SDHA: variants seen among roughly 807,000 people sequenced by gnomAD.
The protein encoded by SDHA is succinate dehydrogenase [ubiquinone] flavoprotein subunit, mitochondrial.
In SDHA, 48 loss-of-function variants were observed where a neutral mutation model predicts 78.4. That is an observed-to-expected ratio of 0.61 (90% CI 0.49 to 0.78). SDHA has a LOEUF of 0.78. Among genes scored for constraint, SDHA ranks in the 30% least tolerant of loss-of-function variants. The pLI, the probability that SDHA is intolerant of heterozygous loss-of-function variation, is 0.00. For synonymous variants in SDHA, 326 were observed against 353.9 expected (o/e 0.92, Z 0.88); for missense variants, 680 against 892.7 (o/e 0.76, Z 3.04).
chr5:235,726 C>CTCT (rs1735732869), intron 9 of SDHA: 3 of 356,814 alleles, frequency 8.4e-6, no homozygotes, highest in Admixed American at 8.0e-5. Context: ...GAAGCTGTTG[C>CTCT]TCTCCCTGCG....
chr5:257,221 G>A (rs1423211484), downstream of SDHA, among the ~76,000 whole-genome samples: 2 of 152,118 alleles, frequency 1.3e-5, no homozygotes, highest in African/African-American at 4.8e-5. Flanking sequence ...TCAAATCAGG[G>A]GTCCCCAATC....
chr5:221,739 T>C (rs898589576), intron 1 of SDHA, among the ~76,000 whole-genome samples: 3 of 152,216 alleles, frequency 2.0e-5, no homozygotes, highest in African/African-American at 7.2e-5. Context: ...ATCTAAAGAC[T>C]GAAATTGGCT....
chr5:244,635 A>G (rs550600025), intron 11 of SDHA, among the ~76,000 whole-genome samples: 78 of 152,334 alleles, frequency 5.1e-4, no homozygotes, highest in African/African-American at 1.8e-3. Context: ...GGACATTTCA[A>G]TCATTTCTCT....
chr5:258,845 A>G (rs566364890), downstream of SDHA, among the ~76,000 whole-genome samples: 59 of 69,056 alleles, frequency 8.5e-4, 3 homozygotes, highest in Non-Finnish European at 1.1e-3. Flanking sequence ...CCAGAGCATT[A>G]CTGTGAGCTC....
Position 236,493 on chromosome 5 carries a change from C to T in SDHA, c.1326C>T (p.Ala442=), listed in dbSNP as rs2126589832. 6.2e-7 allele frequency: 1 copy of T among 1,613,968 alleles called. No individual in the cohort carries two copies. The highest frequency in any genetic ancestry group is 8.5e-7 in the Non-Finnish European group (1 of 1,179,800). Residue 442 remains alanine, a synonymous_variant, in exon 10 of 15, where the codon GCC becomes GCT. Transcript: ENST00000264932. ...VPGLYACGEA[A]CASVHGANRL... ...GCCTGTACGCCTGTGGGGAGGCCGC[C>T]TGTGCCTCGGTACATGGTGCCAACC...
intron 11 of SDHA, among the ~76,000 whole-genome samples, chr5:241,449 G>A (rs1360459266): frequency 1.3e-5 from 2 of 152,222 alleles, no homozygotes; most frequent in Non-Finnish European, 2.9e-5. Flanking sequence ...GGGAGAGTGG[G>A]CGGCAGGTGG....
chr5:251,461 A>G lies in SDHA; in HGVS notation c.1787A>G (p.Asp596Gly), dbSNP rs1126557. 20 of 1,613,830 alleles carry G rather than the reference A, an allele frequency of 1.2e-5. No homozygotes were observed. The highest frequency in any genetic ancestry group is 1.2e-4 in the Admixed American group (7 of 59,996). Residue 596 changes from aspartate (D) to glycine (G), a missense_variant, in exon 13 of 15, where the codon GAC becomes GGC. Transcript: ENST00000264932. ...TCACGGGGCGCGCATGCCAGGGAAGACTACAAGGTGGGCCTTCTCACCACG... is the reference window on the plus strand; with the variant it reads ...TCACGGGGCGCGCATGCCAGGGAAGGCTACAAGGTGGGCCTTCTCACCACG... ...KESRGAHARE[D>G]YKVRIDEYDY... is the part of the protein sequence containing the mutation.
rs751383247 is a variant in SDHA at position 218,361 on chromosome 5, G to C, written c.6G>C (p.Ser2=). 6.8e-7 allele frequency: 1 copy of C among 1,461,142 alleles called. No homozygotes were observed. The highest frequency in any genetic ancestry group is 2.8e-5 in the East Asian group (1 of 36,234). The allele number at this position is 1,461,142 out of a possible 1,614,324, so 90.5% of individuals were successfully genotyped here. A position where few individuals can be genotyped will look rare whatever the true frequency, so the allele number is the denominator to read the frequency against. M[S]GVRGLSRLLS... ...GCGCGGCGGCAACAGCAGACATGTC[G>C]GGGGTCCGGGGCCTGTCGCGGCTGC... The change falls in exon 1 of 15, where the codon TCG becomes TCC. Residue 2 remains serine, a synonymous_variant. Transcript: ENST00000264932.
intron 6 of SDHA, among the ~76,000 whole-genome samples, chr5:229,003 T>A (rs1390895913): frequency 1.3e-5 from 2 of 152,114 alleles, no homozygotes; most frequent in African/African-American, 4.8e-5. Flanking sequence ...GGCCAATTGA[T>A]GTATGAAAAA....
At chr5:248,686 A>C (rs1417461283) in intron 11 of SDHA, among the ~76,000 whole-genome samples, 1 of 152,216 alleles carries the variant, frequency 6.6e-6, no homozygotes, top group African/African-American at 2.4e-5. Flanking sequence ...ATGTTTGGGA[A>C]GATTGCATTG....
At chr5:227,219 AG>A (rs931149978) in intron 5 of SDHA, among the ~76,000 whole-genome samples, 3 of 152,156 alleles carry the variant, frequency 2.0e-5, no homozygotes, top group Admixed American at 2.0e-4. Flanking sequence ...CATGTTGCCC[AG>A]GCTGGTCCCG....
chr5:227,854 G>A (rs566637440), intron 5 of SDHA: 24 of 378,218 alleles, frequency 6.3e-5, no homozygotes, highest in East Asian at 4.4e-4. Flanking sequence ...CATGGTCTGC[G>A]GACCTCACTC....
At position 236,499 on chromosome 5, in the gene SDHA, C is replaced by G. The variant is rs1060505011; in HGVS notation, c.1332C>G (p.Ala444=). ...ACGCCTGTGGGGAGGCCGCCTGTGCCTCGGTACATGGTGCCAACCGCCTCG... is the reference window on the plus strand; with the variant it reads ...ACGCCTGTGGGGAGGCCGCCTGTGCGTCGGTACATGGTGCCAACCGCCTCG... ...GLYACGEAAC[A]SVHGANRLGA... is the part of the protein sequence containing the mutation. Residue 444 remains alanine (A), a synonymous_variant, in exon 10 of 15, where the codon GCC becomes GCG. Transcript: ENST00000264932. 1 of 1,614,018 alleles carries G rather than the reference C, an allele frequency of 6.2e-7. No individual in the cohort carries two copies. Among genetic ancestry groups the G allele is most frequent in the Admixed American group, 1.7e-5 (1 of 60,024 alleles).
intron 7 of SDHA, 24 bp from the exon 8 acceptor site, chr5:233,453 A>G (rs1432769631): frequency 6.2e-7 from 1 of 1,612,460 alleles, no homozygotes; most frequent in Non-Finnish European, 8.5e-7. Context: ...TTGTTAGGTA[A>G]TAAATATGTG....
In SDHA at chr5:218,378, C is replaced by A. The variant is rs878854631; in HGVS notation, c.23C>A (p.Ser8Ter). Residue 8 changes from serine to a stop codon, truncating the protein, a stop_gained, in exon 1 of 15, where the codon TCG becomes TAG. Coordinates refer to ENST00000264932, the MANE Select transcript of SDHA (RefSeq NM_004168.4). LOFTEE classifies it high-confidence loss of function. The stretch of plus-strand genomic sequence containing the variant: ...GACATGTCGGGGGTCCGGGGCCTGT[C>A]GCGGCTGCTGAGCGCTCGGCGCCTG... MSGVRGL[S>*]RLLSARRLAL... The A allele has an allele frequency of 6.9e-7, 1 of 1,455,494 alleles. No individual in the cohort carries two copies. The highest frequency in any genetic ancestry group is 1.4e-5 in the South Asian group (1 of 69,868). The allele number at this position is 1,455,494 out of a possible 1,614,324, so 90.2% of individuals were successfully genotyped here. A position where few individuals can be genotyped will look rare whatever the true frequency, so the allele number is the denominator to read the frequency against.
rs1368657380 is a variant in SDHA, at chr5:225,415, C to A, written c.313-4C>A. 6.2e-7 allele frequency: 1 copy of A among 1,612,204 alleles called. No homozygotes were observed. The highest frequency in any genetic ancestry group is 1.1e-5 in the South Asian group (1 of 90,990). On this transcript the variant is annotated splice_region_variant and splice_polypyrimidine_tract_variant and intron_variant, in intron 3 of 14. Coordinates refer to ENST00000264932, the MANE Select transcript of SDHA (RefSeq NM_004168.4). ...GGCTTGTAAGGAGTGGTTGGTGTTTCCAGGGAGGAATCAATGCTGCTCTGG... is the reference window on the plus strand; with the variant it reads ...GGCTTGTAAGGAGTGGTTGGTGTTTACAGGGAGGAATCAATGCTGCTCTGG...
chr5:240,820 G>A (rs1205216371), intron 11 of SDHA, among the ~76,000 whole-genome samples: 1 of 152,164 alleles, frequency 6.6e-6, no homozygotes, highest in Non-Finnish European at 1.5e-5. Flanking sequence ...GTGACCTCCT[G>A]TTCCATCCGT....
downstream of SDHA, among the ~76,000 whole-genome samples, chr5:257,981 C>T (rs185379674): frequency 0.028 from 942 of 33,296 alleles, 255 homozygotes; most frequent in East Asian, 0.16. Context: ...GGGTGAGCTC[C>T]GCCCCTGCCA....
chr5:221,262 C>T (rs2126532797), intron 1 of SDHA, among the ~76,000 whole-genome samples: 1 of 152,332 alleles, frequency 6.6e-6, no homozygotes, highest in African/African-American at 2.4e-5. Context: ...CTGATACTGA[C>T]TCCTGGCATT....
Sources: allele counts gnomAD v4.1 joint callset (sites outside exome capture counted in the v4.1 genomes callset), GRCh38; gene constraint gnomAD v4.1.1; transcripts MANE v1.5; gene names NCBI Gene and HGNC (gene_info 2026-07-23, HGNC 2026-07-21).